PDE4D: variants seen among roughly 807,000 people sequenced by gnomAD.
PDE4D encodes the protein 3',5'-cyclic-AMP phosphodiesterase 4D.
Under a neutral mutation model 87.4 loss-of-function variants are expected in PDE4D, and 24 were observed. The ratio of observed to expected loss-of-function variants is 0.27; its 90% CI spans 0.20 to 0.39. PDE4D has a LOEUF of 0.39. Ranked by LOEUF, PDE4D falls within the 10% of genes least tolerant of loss-of-function variation. The pLI, the probability that PDE4D is intolerant of heterozygous loss-of-function variation, is 1.00. For synonymous variants in PDE4D, 384 were observed against 383.2 expected (o/e 1.00, Z -0.02); for missense variants, 714 against 1,041.0 (o/e 0.69, Z 4.32).
intron 1 of PDE4D, among the ~76,000 whole-genome samples, chr5:59,259,664 G>GA (rs140337911): frequency 2.6e-5 from 4 of 151,344 alleles, no homozygotes; most frequent in South Asian, 2.1e-4. Flanking sequence ...GGATAACTGA[G>GA]AAAAAAAAGA....
At chr5:60,438,343 C>T (rs1186646842) in intron 1 of PDE4D, among the ~76,000 whole-genome samples, 1 of 152,116 alleles carries the variant, frequency 6.6e-6, no homozygotes, top group East Asian at 1.9e-4. Flanking sequence ...AAGAGCAGCT[C>T]TCCTATCTTC....
Position 59,795,434 on chromosome 5 carries a change from C to G in PDE4D, c.455+97734G>C, listed in dbSNP as rs58783599. The stretch of plus-strand genomic sequence containing the variant: ...AGAATACCTGGCAGACACTTAATCT[C>G]TGCGGCAAATGCATGAAAGTAGAAG... On this transcript the variant is annotated intron_variant, in intron 1 of 14. Coordinates refer to ENST00000340635, the MANE Select transcript of PDE4D (RefSeq NM_001104631.2). 3.6e-3 allele frequency among the ~76,000 whole-genome samples: 549 copies of G among 152,286 alleles called. 4 individuals carry two copies. Among genetic ancestry groups the G allele is most frequent in the African/African-American group, 0.013 (527 of 41,546 alleles).
intron 1 of PDE4D, among the ~76,000 whole-genome samples, chr5:59,712,947 C>T (rs568800488): frequency 1.3e-5 from 2 of 152,212 alleles, no homozygotes; most frequent in South Asian, 4.1e-4. Flanking sequence ...TTTACTATAA[C>T]ACTGGAATAT....
intron 1 of PDE4D, among the ~76,000 whole-genome samples, chr5:59,549,848 C>T (rs1465550037): frequency 6.6e-6 from 1 of 151,912 alleles, no homozygotes; most frequent in Non-Finnish European, 1.5e-5. Flanking sequence ...CTTGGTTTTA[C>T]TCTACTAACT....
At chr5:59,248,227 T>G (rs946919911) in intron 1 of PDE4D, among the ~76,000 whole-genome samples, 2 of 149,916 alleles carry the variant, frequency 1.3e-5, no homozygotes, top group Non-Finnish European at 3.0e-5. Context: ...CAATAAGTTG[T>G]CCTGTTCACG....
At chr5:60,014,803 GAATA>G (rs546933174) in intron 2 of PDE4D, among the ~76,000 whole-genome samples, 71 of 152,280 alleles carry the variant, frequency 4.7e-4, no homozygotes, top group Non-Finnish European at 7.5e-4. Context: ...ACCTTTAATG[GAATA>G]AATAGTCTCA....
chr5:60,266,593 C>T (rs1003354674), intron 1 of PDE4D, among the ~76,000 whole-genome samples: 1 of 152,192 alleles, frequency 6.6e-6, no homozygotes, highest in Non-Finnish European at 1.5e-5. Context: ...GGAGACTAGG[C>T]AATCTCCAGG....
At chr5:59,931,359 C>T (rs945733434) in intron 3 of PDE4D, among the ~76,000 whole-genome samples, 1 of 152,188 alleles carries the variant, frequency 6.6e-6, no homozygotes, top group African/African-American at 2.4e-5. Context: ...ATTTGGTTTA[C>T]ATGCTGCCTA....
Position 59,269,544 on chromosome 5 carries a change from G to A in PDE4D, c.456-53576C>T, listed in dbSNP as rs183369023. On this transcript the variant is annotated intron_variant, in intron 1 of 14. Transcript: ENST00000340635. Reference sequence around the variant, plus strand: ...TACAGAATACACAAATGACTCTCCCGCGGTAAGGCAGCACTGCAGAGAGTA... The same window carrying A: ...TACAGAATACACAAATGACTCTCCCACGGTAAGGCAGCACTGCAGAGAGTA... Among the ~76,000 whole-genome samples, 18 of 152,114 alleles carry A rather than the reference G, an allele frequency of 1.2e-4. No homozygotes were observed. In the East Asian group the frequency reaches 2.1e-3, roughly 18 times the overall value.
At position 59,494,737 on chromosome 5, in the gene PDE4D, C is replaced by CA. The variant is rs1338004846; in HGVS notation, c.456-278770_456-278769insT. Among the ~76,000 whole-genome samples the CA allele has an allele frequency of 2.0e-5, 3 of 152,252 alleles. No homozygotes were observed. The East Asian group carries it at 5.8e-4, about 29-fold the overall frequency. On this transcript the variant is annotated intron_variant, in intron 1 of 14. Transcript: ENST00000340635. ...AAAATTCTAAATGTCTAGCAATAGACCTGAGGCACTTGCATTAAGACTTTG... is the reference window on the plus strand; with the variant it reads ...AAAATTCTAAATGTCTAGCAATAGACACTGAGGCACTTGCATTAAGACTTTG...
chr5:59,615,923 G>C (rs1039242078), intron 1 of PDE4D, among the ~76,000 whole-genome samples: 9 of 151,624 alleles, frequency 5.9e-5, no homozygotes. Flanking sequence ...CCTTCTAGGA[G>C]TCTAGAAAAA....
At chr5:60,218,314 T>C (rs1744106496) in intron 1 of PDE4D, among the ~76,000 whole-genome samples, 1 of 151,982 alleles carries the variant, frequency 6.6e-6, no homozygotes, top group African/African-American at 2.4e-5. Context: ...AATCAAGTTA[T>C]GGTGCTTGAA....
At chr5:59,320,622 G>A (rs1774553699) in intron 1 of PDE4D, among the ~76,000 whole-genome samples, 1 of 152,004 alleles carries the variant, frequency 6.6e-6, no homozygotes, top group African/African-American at 2.4e-5. Flanking sequence ...GTCAATCATT[G>A]CTTTAAAATC....
intron 1 of PDE4D, among the ~76,000 whole-genome samples, chr5:60,371,616 T>C (rs976378777): frequency 1.3e-5 from 2 of 152,150 alleles, no homozygotes; most frequent in Non-Finnish European, 2.9e-5. Context: ...AGTCAGGTAA[T>C]AAAATTTAAA....
intron 1 of PDE4D, among the ~76,000 whole-genome samples, chr5:59,745,536 A>C (rs1047500710): frequency 1.3e-5 from 2 of 152,174 alleles, no homozygotes; most frequent in African/African-American, 4.8e-5. Flanking sequence ...AGTGTGTTGA[A>C]ATATGCTTCC....
chr5:60,213,629 T>G (rs1743506639), intron 1 of PDE4D, among the ~76,000 whole-genome samples: 1 of 152,192 alleles, frequency 6.6e-6, no homozygotes, highest in Non-Finnish European at 1.5e-5. Context: ...AGAATAAATT[T>G]TTTTTAAACT....
chr5:60,452,912 T>C (rs1007529219), intron 1 of PDE4D, among the ~76,000 whole-genome samples: 7 of 152,276 alleles, frequency 4.6e-5, no homozygotes, highest in Middle Eastern at 3.4e-3. Flanking sequence ...ACTTCTTCCA[T>C]TCTCTGTGAG....
chr5:59,446,554 G>T (rs1214284548), intron 1 of PDE4D, among the ~76,000 whole-genome samples: 1 of 152,210 alleles, frequency 6.6e-6, no homozygotes, highest in Non-Finnish European at 1.5e-5. Flanking sequence ...ACTTTTGGCA[G>T]CTTCATAGAA....
At chr5:60,472,137 A>G (rs760564011) in intron 1 of PDE4D, among the ~76,000 whole-genome samples, 1 of 152,184 alleles carries the variant, frequency 6.6e-6, no homozygotes, top group Non-Finnish European at 1.5e-5. Context: ...GATTCAGCAA[A>G]CACATACAGT....
Sources: gnomAD v4.1 joint callset for allele counts (sites outside exome capture counted in the v4.1 genomes callset) on GRCh38, gnomAD v4.1.1 for gene constraint, MANE v1.5 for transcripts, NCBI Gene and HGNC (gene_info 2026-07-23, HGNC 2026-07-21) for gene names.